Variants in GTF3C4 observed in about 807,000 individuals in gnomAD.
GTF3C4 encodes the protein general transcription factor 3C polypeptide 4.
Under a neutral mutation model 67.5 loss-of-function variants are expected in GTF3C4, and 28 were observed. That is an observed-to-expected ratio of 0.41 (90% confidence interval 0.31 to 0.57). GTF3C4 has a LOEUF of 0.57. Ranked by LOEUF, GTF3C4 falls within the 20% of genes least tolerant of loss-of-function variation. The pLI, the probability that GTF3C4 is intolerant of heterozygous loss-of-function variation, is 0.21. For missense variants in GTF3C4, 831 were observed against 1,033.2 expected, an observed-to-expected ratio of 0.80 and a Z score of 2.68; for synonymous variants, 409 against 393.0, an observed-to-expected ratio of 1.04 and a Z score of -0.48.
intron 4 of GTF3C4, 35 bp downstream of exon 4, chr9:132,687,362 G>C: frequency 5.4e-6 from 1 of 183,608 alleles, no homozygotes. Context: ...GGGTGGGTGG[G>C]TGGAACATGC....
At chr9:132,670,406 A>T, upstream of GTF3C4, 1 of 1,091,518 alleles carries the variant, frequency 9.2e-7, no homozygotes, top group Non-Finnish European at 1.2e-6. Flanking sequence ...CTTTTTCTGG[A>T]CAGGCAGTTC....
chr9:132,687,780 C>T (rs574453852), intron 4 of GTF3C4, among the ~76,000 whole-genome samples: 5 of 152,224 alleles, frequency 3.3e-5, no homozygotes, highest in Admixed American at 2.6e-4. Context: ...GGTCTATGTG[C>T]TCTTTCCTGA....
intron 1 of GTF3C4, among the ~76,000 whole-genome samples, chr9:132,673,817 C>T (rs778762742): frequency 5.3e-5 from 8 of 152,156 alleles, no homozygotes; most frequent in African/African-American, 9.7e-5. Context: ...CATTAATTAT[C>T]AGCTGTTTTA....
chr9:132,679,742 C>T lies in GTF3C4; in HGVS notation c.2123C>T (p.Pro708Leu). The change falls in exon 2 of 5, where the codon CCC becomes CTC. Residue 708 changes from proline (P) to leucine (L), a missense_variant. Physicochemically the swap from Pro to Leu is moderately conservative, Grantham distance 98. This residue lies in a region of GTF3C4 where 129 missense variants were observed against 213.8 expected (regional missense o/e 0.60). Transcript: ENST00000372146. The surrounding 1 kb of genome is among the most constrained non-coding windows in gnomAD (Gnocchi z 5.9). The part of the protein sequence containing the change: ...HTWITENTSI[P>L]TRGLCNFLMS... ...TGGATCACAGAAAACACTAGCATCC[C>T]CACCCGCGGACTCTGTAACTTTTTA... The T allele has an allele frequency of 6.2e-7, 1 of 1,613,994 alleles. No individual in the cohort carries two copies. The highest frequency in any genetic ancestry group is 8.5e-7 in the Non-Finnish European group (1 of 1,179,914).
Position 132,689,854 on chromosome 9 carries a change from A to G in GTF3C4, c.*909A>G, listed in dbSNP as rs1836087737. 1 of 152,214 alleles carries G rather than the reference A, an allele frequency of 6.6e-6. No homozygotes were observed. Among genetic ancestry groups the G allele is most frequent in the Admixed American group, 6.5e-5 (1 of 15,282 alleles). 9.4% of individuals were successfully genotyped at this position (152,214 alleles called of 1,614,324 possible). On this transcript the variant is annotated 3_prime_UTR_variant, in exon 5 of 5. Coordinates refer to ENST00000372146, the MANE Select transcript of GTF3C4 (RefSeq NM_012204.4). ...ATTTAGTATCCAGGGGTCTGTCTGG[A>G]GACTTCTAGAGAGGGACAGCTCAGA...
rs2130900464 is a variant in GTF3C4 at position 132,683,676 on chromosome 9, T to G, written c.2298T>G (p.Asn766Lys). 1.2e-6 allele frequency: 2 copies of G among 1,607,858 alleles called. No individual in the cohort carries two copies. The highest frequency in any genetic ancestry group is 2.2e-5 in the East Asian group (1 of 44,792). ...FTDRKQAVCS[N>K]GHIWLRCFLT... ...ATCGCAAACAGGCAGTCTGTTCCAA[T>G]GGCCACATTTGGCTCCGGTAAGCCA... The change falls in exon 3 of 5, where the codon AAT becomes AAG. Residue 766 changes from asparagine to lysine, a missense_variant. This residue lies in a region of GTF3C4 where 129 missense variants were observed against 213.8 expected (regional missense o/e 0.60). Coordinates refer to ENST00000372146, the MANE Select transcript of GTF3C4 (RefSeq NM_012204.4).
At position 132,678,856 on chromosome 9, in the gene GTF3C4, G is replaced by A. The variant is rs140693132; in HGVS notation, c.1237G>A (p.Val413Ile). The change falls in exon 2 of 5, where the codon GTT becomes ATT. Residue 413 changes from valine to isoleucine, a missense_variant. Coordinates refer to ENST00000372146, the MANE Select transcript of GTF3C4 (RefSeq NM_012204.4). This position sits in a 1 kb window ranked among gnomAD's most constrained non-coding sequence, Gnocchi z 6.5. ...LLLISKAGLN[V>I]HNSHVTGLHS... is the part of the protein sequence containing the mutation. The stretch of plus-strand genomic sequence containing the variant: ...TCTGATCTCCAAAGCAGGGCTGAAT[G>A]TTCACAATTCCCATGTCACAGGCCT... 1 of 1,614,090 alleles carries A rather than the reference G, an allele frequency of 6.2e-7. No homozygotes were observed. Among genetic ancestry groups the A allele is most frequent in the African/African-American group, 1.3e-5 (1 of 74,918 alleles).
intron 1 of GTF3C4, among the ~76,000 whole-genome samples, chr9:132,673,170 C>G (rs911085298): frequency 6.6e-6 from 1 of 151,878 alleles, no homozygotes; most frequent in African/African-American, 2.4e-5. Flanking sequence ...GCGACAGAGC[C>G]AGACTCCGTC....
In GTF3C4 at chr9:132,687,231, T is replaced by G. The variant is rs374691535; in HGVS notation, c.2316-8T>G. On this transcript the variant is annotated splice_region_variant and splice_polypyrimidine_tract_variant and intron_variant, in intron 3 of 4. Transcript: ENST00000372146. Reference sequence around the variant, plus strand: ...TCTCCCTTGCCAATACAGTCTGTCTTCTTTCAGGTGCTTCTTAACCTACCA... The same window carrying G: ...TCTCCCTTGCCAATACAGTCTGTCTGCTTTCAGGTGCTTCTTAACCTACCA... 1.7e-5 allele frequency: 26 copies of G among 1,550,488 alleles called. No homozygotes were observed. The highest frequency in any genetic ancestry group is 2.2e-5 in the South Asian group (2 of 89,808).
chr9:132,681,899 G>T (rs1835950303), intron 2 of GTF3C4, among the ~76,000 whole-genome samples: 1 of 150,228 alleles, frequency 6.7e-6, no homozygotes, highest in Admixed American at 6.7e-5. Context: ...AGGGTGTGAG[G>T]ATCGCTTGAG....
Position 132,689,876 on chromosome 9 carries a change from CAG to C in GTF3C4, c.*933_*934del, listed in dbSNP as rs1375533038. 6.6e-6 allele frequency: 1 copy of C among 152,196 alleles called. No homozygotes were observed. Among genetic ancestry groups the C allele is most frequent in the African/African-American group, 2.4e-5 (1 of 41,428 alleles). The allele number at this position is 152,196 out of a possible 1,614,324, so 9.4% of individuals were successfully genotyped here. A position where few individuals can be genotyped will look rare whatever the true frequency, so the allele number is the denominator to read the frequency against. On this transcript the variant is annotated 3_prime_UTR_variant, in exon 5 of 5. Coordinates refer to ENST00000372146, the MANE Select transcript of GTF3C4 (RefSeq NM_012204.4). ...TGGAGACTTCTAGAGAGGGACAGCT[CAG>C]AAGTGAGACCCTTGAGCTCTGGTGC...
In GTF3C4 at chr9:132,679,128, T is replaced by C; in HGVS notation, c.1509T>C (p.Pro503=). 2 of 1,614,182 alleles carry C rather than the reference T, an allele frequency of 1.2e-6. No individual in the cohort carries two copies. The highest frequency in any genetic ancestry group is 1.7e-6 in the Non-Finnish European group (2 of 1,180,020). The change falls in exon 2 of 5, where the codon CCT becomes CCC. Residue 503 remains proline (P), a synonymous_variant. Transcript: ENST00000372146. The surrounding 1 kb of genome is among the most constrained non-coding windows in gnomAD (Gnocchi z 5.9). Reference sequence around the variant, plus strand: ...AGGGCATGATCAACGGCCTCCACCCTGTTAACAAAAACTACCAGGTCCAAT... The same window carrying C: ...AGGGCATGATCAACGGCCTCCACCCCGTTAACAAAAACTACCAGGTCCAAT... ...TTEGMINGLH[P]VNKNYQVQFV... is the part of the protein sequence containing the mutation.
intron 4 of GTF3C4, among the ~76,000 whole-genome samples, chr9:132,687,754 G>A (rs781512658): frequency 7.9e-5 from 12 of 152,100 alleles, no homozygotes; most frequent in Non-Finnish European, 8.8e-5. Context: ...AGCCATGATG[G>A]GTTTTTTTCC....
In GTF3C4 at chr9:132,687,257, G is replaced by T; in HGVS notation, c.2334G>T (p.Gln778His). ...HIWLRCFLTYQSCQSLIYRRC... is the reference protein window; with the variant it reads ...HIWLRCFLTYHSCQSLIYRRC... ...CTTTCAGGTGCTTCTTAACCTACCA[G>T]TCCTGCCAGAGTTTGATATATAGAA... Residue 778 changes from glutamine to histidine, a missense_variant, in exon 4 of 5, where the codon CAG becomes CAT. Physicochemically the swap from Gln to His is conservative, Grantham distance 24 (BLOSUM62 0). Coordinates refer to ENST00000372146, the MANE Select transcript of GTF3C4 (RefSeq NM_012204.4). 1 of 1,580,322 alleles carries T rather than the reference G, an allele frequency of 6.3e-7. No homozygotes were observed. Among genetic ancestry groups the T allele is most frequent in the Non-Finnish European group, 8.6e-7 (1 of 1,157,150 alleles).
At chr9:132,684,567 G>A (rs1455589873) in intron 3 of GTF3C4, among the ~76,000 whole-genome samples, 1 of 152,150 alleles carries the variant, frequency 6.6e-6, no homozygotes, top group Non-Finnish European at 1.5e-5. Context: ...ACACAGCCTG[G>A]GGCCCCTTCC....
chr9:132,683,324 C>G (rs1835976653), intron 2 of GTF3C4, among the ~76,000 whole-genome samples: 1 of 152,194 alleles, frequency 6.6e-6, no homozygotes, highest in Non-Finnish European at 1.5e-5. Context: ...ACCCTGTTAT[C>G]ACAGAGTACC....
intron 2 of GTF3C4, among the ~76,000 whole-genome samples, chr9:132,682,595 C>T (rs1025960341): frequency 3.0e-4 from 28 of 92,516 alleles, no homozygotes; most frequent in African/African-American, 4.4e-4. Context: ...ACAGTATAAT[C>T]TTTTTTTTTT....
In GTF3C4 at chr9:132,683,709, AGTTTCT is replaced by A; in HGVS notation, c.2315+17_2315+22del. The A allele has an allele frequency of 6.3e-7, 1 of 1,599,336 alleles. No homozygotes were observed. ...TTTGGCTCCGGTAAGCCATTTTAAA[AGTTTCT>A]ACTTCTGCTCATTTTTCAGTTTTGT... On this transcript the variant is annotated intron_variant, in intron 3 of 4. Transcript: ENST00000372146.
intron 3 of GTF3C4, among the ~76,000 whole-genome samples, chr9:132,684,760 C>G (rs151266079): frequency 6.6e-6 from 1 of 152,306 alleles, no homozygotes; most frequent in Non-Finnish European, 1.5e-5. Context: ...CTTCAGTTTC[C>G]CATTATCAGT....
Sources: allele counts gnomAD v4.1 joint callset (sites outside exome capture counted in the v4.1 genomes callset), GRCh38; gene constraint gnomAD v4.1.1; regional missense constraint gnomAD v4.1.1; non-coding constraint Gnocchi (gnomAD v3.1); transcripts MANE v1.5; gene names NCBI Gene and HGNC (gene_info 2026-07-23, HGNC 2026-07-21).